The following MYO16 variants were observed in gnomAD, a reference collection of about 807,000 sequenced individuals.
MYO16 encodes the protein unconventional myosin-XVI.
MYO16 carries 94 observed loss-of-function variants against 205.3 expected under a neutral mutation model. The observed-to-expected ratio is 0.46, with a 90% confidence interval of 0.39 to 0.54. The LOEUF (loss-of-function observed/expected upper bound fraction) is 0.54, where lower values mean the gene tolerates loss of function less well. Ranked by LOEUF, MYO16 falls within the 20% of genes least tolerant of loss-of-function variation. The pLI, the probability that MYO16 is intolerant of heterozygous loss-of-function variation, is 0.00. For missense variants in MYO16, 2,315 were observed against 2,387.5 expected, an observed-to-expected ratio of 0.97 and a Z score of 0.63; for synonymous variants, 988 against 954.0, an observed-to-expected ratio of 1.04 and a Z score of -0.66.
chr13:109,137,699 GT>G (rs1876845635), intron 31 of MYO16, among the ~76,000 whole-genome samples: 1 of 152,004 alleles, frequency 6.6e-6, no homozygotes, highest in Non-Finnish European at 1.5e-5. Flanking sequence ...GATTCCCATT[GT>G]TTTCTGGTTA....
intron 1 of MYO16, among the ~76,000 whole-genome samples, chr13:108,622,695 C>T (rs942188952): frequency 2.0e-5 from 3 of 151,150 alleles, no homozygotes; most frequent in Non-Finnish European, 2.9e-5. Flanking sequence ...GGGGGATGGA[C>T]GAGAGGAAGA....
At chr13:108,549,566 G>T in the MYO16 span, among the ~76,000 whole-genome samples, 3 of 152,092 alleles carry the variant, frequency 2.0e-5, no homozygotes, top group African/African-American at 7.2e-5. Flanking sequence ...TAAGGAGTTA[G>T]TAAATACCTA....
At chr13:108,617,553 C>G (rs546378309) in intron 1 of MYO16, among the ~76,000 whole-genome samples, 45 of 152,262 alleles carry the variant, frequency 3.0e-4, no homozygotes, top group African/African-American at 1.0e-3. Flanking sequence ...AAATGGTAAG[C>G]TCTTCACAGG....
At chr13:108,780,687 A>C (rs1390410134) in intron 4 of MYO16, among the ~76,000 whole-genome samples, 1 of 152,238 alleles carries the variant, frequency 6.6e-6, no homozygotes, top group Admixed American at 6.5e-5. Context: ...GTTTTTGACT[A>C]TTATGAATAC....
intron 16 of MYO16, among the ~76,000 whole-genome samples, chr13:108,930,503 C>A (rs144535686): frequency 1.6e-4 from 24 of 152,034 alleles, no homozygotes; most frequent in Non-Finnish European, 2.8e-4. Context: ...TATATTACAT[C>A]CATAAGTAAA....
chr13:108,992,650 T>C (rs1164419410), intron 21 of MYO16, among the ~76,000 whole-genome samples: 2 of 152,170 alleles, frequency 1.3e-5, no homozygotes, highest in Non-Finnish European at 2.9e-5. Flanking sequence ...TAGTCACACA[T>C]TGAAAGCAGA....
chr13:108,902,111 T>C (rs576291847), intron 15 of MYO16, among the ~76,000 whole-genome samples: 171 of 152,250 alleles, frequency 1.1e-3, no homozygotes, highest in Non-Finnish European at 2.0e-3. Context: ...GAAAGGGTGT[T>C]GAGTACAAAG....
chr13:109,005,870 G>A (rs1885370605), intron 21 of MYO16, among the ~76,000 whole-genome samples: 1 of 152,072 alleles, frequency 6.6e-6, no homozygotes, highest in South Asian at 2.1e-4. Flanking sequence ...GCCCTACAAT[G>A]TCATAAATTT....
chr13:108,958,349 G>C (rs1883461311), intron 17 of MYO16, among the ~76,000 whole-genome samples: 1 of 151,448 alleles, frequency 6.6e-6, no homozygotes, highest in Non-Finnish European at 1.5e-5. Context: ...AACTGTTCAT[G>C]TAAAGAATCA....
chr13:108,983,128 T>C (rs1884504586), intron 20 of MYO16, among the ~76,000 whole-genome samples: 1 of 152,188 alleles, frequency 6.6e-6, no homozygotes, highest in African/African-American at 2.4e-5. Flanking sequence ...AGATTGTAAT[T>C]CTCTAATTGG....
Position 108,806,804 on chromosome 13 carries a change from G to A in MYO16, c.867G>A (p.Gln289=). The A allele has an allele frequency of 6.6e-7, 1 of 1,517,932 alleles. No homozygotes were observed. The highest frequency in any genetic ancestry group is 8.9e-7 in the Non-Finnish European group (1 of 1,128,484). The allele number at this position is 1,517,932 out of a possible 1,614,324, so 94.0% of individuals were successfully genotyped here. A position where few individuals can be genotyped will look rare whatever the true frequency, so the allele number is the denominator to read the frequency against. The part of the protein sequence containing the change: ...TPLHLAAKYG[Q]TNLVKLLLMH... ...TCCACTTGGCAGCCAAATATGGCCA[G>A]GTAGAGTGATTTGCTGAATTCTTTA... The change falls in exon 7 of 35, where the codon CAG becomes CAA. Residue 289 remains glutamine, a splice_region_variant and synonymous_variant. Coordinates refer to ENST00000457511, the MANE Select transcript of MYO16 (RefSeq NM_001198950.3).
chr13:108,930,335 A>C (rs555700850), intron 16 of MYO16, among the ~76,000 whole-genome samples: 7 of 152,278 alleles, frequency 4.6e-5, no homozygotes, highest in African/African-American at 1.7e-4. Context: ...TAATTAAAAA[A>C]TCCAGCATAT....
chr13:108,976,370 G>C (rs1884256489), intron 20 of MYO16, among the ~76,000 whole-genome samples: 1 of 152,028 alleles, frequency 6.6e-6, no homozygotes, highest in African/African-American at 2.4e-5. Flanking sequence ...CAAAAACTGG[G>C]AAAAAAATTG....
At chr13:108,922,802 C>T (rs924831383) in intron 16 of MYO16, among the ~76,000 whole-genome samples, 1 of 152,186 alleles carries the variant, frequency 6.6e-6, no homozygotes, top group African/African-American at 2.4e-5. Context: ...TAGGAATTAG[C>T]ACTTTGAATC....
chr13:108,778,317 C>A (rs1342509510), intron 4 of MYO16, among the ~76,000 whole-genome samples: 1 of 152,226 alleles, frequency 6.6e-6, no homozygotes, highest in African/African-American at 2.4e-5. Flanking sequence ...GACTTCAGGG[C>A]TCAAGATTGT....
At chr13:109,133,192 A>G (rs887251054) in intron 31 of MYO16, among the ~76,000 whole-genome samples, 4 of 152,218 alleles carry the variant, frequency 2.6e-5, no homozygotes, top group African/African-American at 9.6e-5. Flanking sequence ...TCATGTACGC[A>G]GCCTCAGCAG....
chr13:108,764,300 C>T (rs992638304), intron 4 of MYO16, among the ~76,000 whole-genome samples: 2 of 152,104 alleles, frequency 1.3e-5, no homozygotes, highest in South Asian at 2.1e-4. Context: ...AGTACACATT[C>T]GGGACATCAA....
At position 109,125,415 on chromosome 13, in the gene MYO16, T is replaced by A; in HGVS notation, c.3782+57T>A. ...CTTTGTGATTGGTTCAGTGGAGTCA[T>A]GAAAATTCAAATAGCCCTTAATGCA... On this transcript the variant is annotated intron_variant, in intron 30 of 34. Coordinates refer to ENST00000457511, the MANE Select transcript of MYO16 (RefSeq NM_001198950.3). This position sits in a 1 kb window ranked among gnomAD's most constrained non-coding sequence, Gnocchi z 4.0. 1.2e-5 allele frequency: 19 copies of A among 1,594,820 alleles called. No individual in the cohort carries two copies. Among genetic ancestry groups the A allele is most frequent in the Non-Finnish European group, 1.6e-5 (19 of 1,168,674 alleles).
At chr13:108,919,884 C>G (rs1473637555) in intron 16 of MYO16, among the ~76,000 whole-genome samples, 3 of 152,186 alleles carry the variant, frequency 2.0e-5, no homozygotes, top group Non-Finnish European at 4.4e-5. Flanking sequence ...AAAATCTAAA[C>G]TTGATTGATG....
Sources: allele counts gnomAD v4.1 joint callset (sites outside exome capture counted in the v4.1 genomes callset), GRCh38; gene constraint gnomAD v4.1.1; non-coding constraint Gnocchi (gnomAD v3.1); transcripts MANE v1.5; gene names NCBI Gene and HGNC (gene_info 2026-07-23, HGNC 2026-07-21).